The following STK3 variants were observed in gnomAD, a reference collection of about 807,000 sequenced individuals.
The protein encoded by STK3 is serine/threonine-protein kinase 3.
A neutral mutation model predicts 58.0 loss-of-function variants in STK3; 41 were observed. The observed-to-expected ratio is 0.71, with a 90% confidence interval of 0.55 to 0.92. The LOEUF (loss-of-function observed/expected upper bound fraction) is 0.92. STK3 is among the 40% of genes least tolerant of loss of function. The pLI, the probability that STK3 is intolerant of heterozygous loss-of-function variation, is 0.00. For synonymous variants in STK3, 170 were observed against 191.0 expected (o/e 0.89, Z 0.91); for missense variants, 479 against 602.7 (o/e 0.79, Z 2.15).
At chr8:98,766,893 C>T (rs374456018) in intron 3 of STK3, among the ~76,000 whole-genome samples, 2 of 152,120 alleles carry the variant, frequency 1.3e-5, no homozygotes, top group Non-Finnish European at 2.9e-5. Flanking sequence ...GAGGCCAAGG[C>T]GGGTGGATCA....
chr8:98,709,369 GA>G (rs375355746), intron 4 of STK3, among the ~76,000 whole-genome samples: 4 of 149,472 alleles, frequency 2.7e-5, no homozygotes, highest in African/African-American at 7.4e-5. Flanking sequence ...CCACAAAAAG[GA>G]AAAAAAAAGA....
At chr8:98,789,041 A>C (rs1201436799) in intron 1 of STK3, among the ~76,000 whole-genome samples, 1 of 152,242 alleles carries the variant, frequency 6.6e-6, no homozygotes, top group African/African-American at 2.4e-5. Context: ...ATTTAAGAAA[A>C]CTGAAATAAT....
At chr8:98,426,468 C>T (rs991437486) in intron 3 of STK3, among the ~76,000 whole-genome samples, 3 of 152,210 alleles carry the variant, frequency 2.0e-5, no homozygotes, top group African/African-American at 7.2e-5. Flanking sequence ...GAGCTCCCGA[C>T]CAGAACTCAG....
chr8:98,616,957 C>T (rs1247069165), intron 6 of STK3, among the ~76,000 whole-genome samples: 5 of 152,236 alleles, frequency 3.3e-5, no homozygotes, highest in East Asian at 3.9e-4. Flanking sequence ...CCGCACCAAG[C>T]GGACCTAATA....
intron 1 of STK3, among the ~76,000 whole-genome samples, chr8:98,788,224 G>A (rs1832590701): frequency 6.6e-6 from 1 of 152,026 alleles, no homozygotes; most frequent in Non-Finnish European, 1.5e-5. Flanking sequence ...CAGATCACAA[G>A]GCCAGGAGTT....
intron 6 of STK3, among the ~76,000 whole-genome samples, chr8:98,677,022 T>C (rs906996372): frequency 6.6e-6 from 1 of 152,222 alleles, no homozygotes; most frequent in African/African-American, 2.4e-5. Context: ...TATAAAATGC[T>C]TGATACTGCT....
chr8:98,745,123 C>G (rs994075040), intron 4 of STK3, among the ~76,000 whole-genome samples: 1 of 152,176 alleles, frequency 6.6e-6, no homozygotes, highest in African/African-American at 2.4e-5. Context: ...TCTAACCTCT[C>G]CAGTGGTCAT....
chr8:98,484,446 C>T (rs1291226088), intron 10 of STK3, among the ~76,000 whole-genome samples: 1 of 151,852 alleles, frequency 6.6e-6, no homozygotes, highest in Admixed American at 6.6e-5. Context: ...GACTCTGAAC[C>T]CCCAGCTACC....
At chr8:98,479,846 T>C (rs1821706691) in intron 10 of STK3, among the ~76,000 whole-genome samples, 1 of 152,128 alleles carries the variant, frequency 6.6e-6, no homozygotes, top group Non-Finnish European at 1.5e-5. Flanking sequence ...AGAGAAGACA[T>C]GCTCATTATG....
chr8:98,387,584 A>G (rs936686973), intron 1 of STK3, among the ~76,000 whole-genome samples: 2 of 152,150 alleles, frequency 1.3e-5, no homozygotes, highest in Non-Finnish European at 2.9e-5. Context: ...CCCCGTCTCT[A>G]CTAAAAATAC....
chr8:98,527,628 A>T (rs1416326609), intron 9 of STK3, among the ~76,000 whole-genome samples: 8 of 151,932 alleles, frequency 5.3e-5, no homozygotes, highest in Non-Finnish European at 8.8e-5. Flanking sequence ...CAAATTAAAA[A>T]ATATATATAT....
chr8:98,504,410 G>A (rs1823878705), intron 10 of STK3, among the ~76,000 whole-genome samples: 3 of 152,252 alleles, frequency 2.0e-5, no homozygotes, highest in Non-Finnish European at 4.4e-5. Flanking sequence ...CTATTGTTAC[G>A]TGTGAATTTG....
intron 3 of STK3, among the ~76,000 whole-genome samples, chr8:98,867,124 A>G (rs2131864507): frequency 6.6e-6 from 1 of 152,330 alleles, no homozygotes; most frequent in Middle Eastern, 3.4e-3. Flanking sequence ...CCATTTTAAA[A>G]TGGGGAAACT....
chr8:98,743,031 A>G (rs1430004022), intron 4 of STK3, among the ~76,000 whole-genome samples: 1 of 152,044 alleles, frequency 6.6e-6, no homozygotes, highest in African/African-American at 2.4e-5. Flanking sequence ...AAGGGACGTG[A>G]AGGACCTCTT....
At chr8:98,811,381 T>C (rs988466216) in intron 1 of STK3, among the ~76,000 whole-genome samples, 7 of 152,324 alleles carry the variant, frequency 4.6e-5, no homozygotes, top group Admixed American at 2.6e-4. Context: ...AGCTACTTAA[T>C]GAGTCATAAG....
intron 1 of STK3, among the ~76,000 whole-genome samples, chr8:98,795,509 C>T (rs937300890): frequency 1.3e-5 from 2 of 151,990 alleles, no homozygotes; most frequent in African/African-American, 2.4e-5. Context: ...TCTTAGCACC[C>T]CTATTGAACA....
At chr8:98,792,831 C>T (rs892139213) in intron 1 of STK3, among the ~76,000 whole-genome samples, 9 of 152,014 alleles carry the variant, frequency 5.9e-5, no homozygotes, top group Non-Finnish European at 8.8e-5. Context: ...CAGCACAGTT[C>T]GCAATTGCAA....
intron 1 of STK3, among the ~76,000 whole-genome samples, chr8:98,797,677 T>C (rs539357622): frequency 6.6e-6 from 1 of 152,300 alleles, no homozygotes; most frequent in South Asian, 2.1e-4. Flanking sequence ...TGAACTTTAT[T>C]ATATAAAAAT....
rs565123481 is a variant in STK3, at chr8:98,811,665, T to C, written c.26+13850A>G. ...CATCCTTTAGTCCTTCAATGTAACA[T>C]TATTAAACGATGTCAAAAAGTCTCA... On this transcript the variant is annotated intron_variant, in intron 1 of 10. Transcript: ENST00000419617. 2.6e-5 allele frequency among the ~76,000 whole-genome samples: 4 copies of C among 152,168 alleles called. No individual in the cohort carries two copies. The East Asian group carries it at 7.7e-4, about 29-fold the overall frequency.
Sources: allele counts gnomAD v4.1 joint callset (sites outside exome capture counted in the v4.1 genomes callset), GRCh38; gene constraint gnomAD v4.1.1; transcripts MANE v1.5; gene names NCBI Gene and HGNC (gene_info 2026-07-23, HGNC 2026-07-21).